The following SPAG16 variants were observed in gnomAD, a reference collection of about 807,000 sequenced individuals.
SPAG16 encodes sperm-associated antigen 16 protein.
A neutral mutation model predicts 80.4 loss-of-function variants in SPAG16; 86 were observed. That is an observed-to-expected ratio of 1.07 (90% CI 0.90 to 1.28). The LOEUF is 1.28. Among genes scored for constraint, SPAG16 ranks in the 50% most tolerant of loss-of-function variants. The pLI is 0.00. For missense variants in SPAG16, 870 were observed against 765.3 expected (o/e 1.14, Z -1.61); for synonymous variants, 294 against 265.9 (o/e 1.11, Z -1.03).
chr2:214,322,742 A>C (rs1696188953), intron 15 of SPAG16, among the ~76,000 whole-genome samples: 1 of 152,198 alleles, frequency 6.6e-6, no homozygotes, highest in East Asian at 1.9e-4. Flanking sequence ...TATAAAAATC[A>C]AAATTACTCA....
chr2:213,853,069 G>A (rs752539319), intron 10 of SPAG16, among the ~76,000 whole-genome samples: 8 of 152,012 alleles, frequency 5.3e-5, no homozygotes, highest in African/African-American at 1.4e-4. Flanking sequence ...TAATGTTCAC[G>A]GGGCACACAT....
At chr2:213,754,259 T>C (rs2068216150) in intron 10 of SPAG16, among the ~76,000 whole-genome samples, 1 of 152,226 alleles carries the variant, frequency 6.6e-6, no homozygotes, top group Non-Finnish European at 1.5e-5. Flanking sequence ...TTTCACTTGC[T>C]TACTACCCTT....
chr2:213,737,592 A>G (rs912381951), intron 10 of SPAG16, among the ~76,000 whole-genome samples: 20 of 149,168 alleles, frequency 1.3e-4, no homozygotes, highest in African/African-American at 4.7e-4. Context: ...GGTTCACGCC[A>G]TTCTCCTGCC....
In SPAG16 at chr2:213,301,281, T is replaced by G. The variant is rs138233624; in HGVS notation, c.279+3924T>G. 1.7e-4 allele frequency among the ~76,000 whole-genome samples: 26 copies of G among 152,300 alleles called. 1 individual carries two copies. The highest frequency in any genetic ancestry group is 6.3e-4 in the African/African-American group (26 of 41,582). On this transcript the variant is annotated intron_variant, in intron 3 of 15. Coordinates refer to ENST00000331683, the MANE Select transcript of SPAG16 (RefSeq NM_024532.5). ...CAGGCTCCTTGTACTCAAAGCCATGTCTACAGATTATCCAAGCCAATATAT... is the reference window on the plus strand; with the variant it reads ...CAGGCTCCTTGTACTCAAAGCCATGGCTACAGATTATCCAAGCCAATATAT...
At chr2:213,498,571 A>C (rs1488011968) in intron 10 of SPAG16, among the ~76,000 whole-genome samples, 1 of 152,120 alleles carries the variant, frequency 6.6e-6, no homozygotes, top group Admixed American at 6.5e-5. Flanking sequence ...TAAACTCCTG[A>C]CATTATCCCA....
intron 15 of SPAG16, among the ~76,000 whole-genome samples, chr2:214,273,815 T>G (rs542572673): frequency 3.9e-5 from 6 of 152,214 alleles, no homozygotes; most frequent in Non-Finnish European, 8.8e-5. Context: ...TAAAGCAGTT[T>G]TTTCCAATTC....
chr2:213,336,860 A>C (rs2064390370), intron 5 of SPAG16, among the ~76,000 whole-genome samples: 1 of 152,144 alleles, frequency 6.6e-6, no homozygotes, highest in Non-Finnish European at 1.5e-5. Context: ...CACCCGCTCC[A>C]CCAAGGGGCA....
At chr2:213,418,887 T>G (rs775027672) in intron 9 of SPAG16, among the ~76,000 whole-genome samples, 1 of 152,180 alleles carries the variant, frequency 6.6e-6, no homozygotes, top group Non-Finnish European at 1.5e-5. Context: ...CTGGGAGCAT[T>G]GCTTAGGGGC....
At chr2:213,825,561 C>T (rs1278973138) in intron 10 of SPAG16, among the ~76,000 whole-genome samples, 1 of 152,006 alleles carries the variant, frequency 6.6e-6, no homozygotes, top group Non-Finnish European at 1.5e-5. Context: ...TCCTTGCATC[C>T]TTGGGATAAA....
At chr2:213,502,544 A>G (rs2074787329) in intron 10 of SPAG16, among the ~76,000 whole-genome samples, 1 of 152,242 alleles carries the variant, frequency 6.6e-6, no homozygotes, top group Non-Finnish European at 1.5e-5. Flanking sequence ...TAGGCTAAAT[A>G]AAAATGTGAT....
chr2:213,501,506 A>G (rs73083223), intron 10 of SPAG16, among the ~76,000 whole-genome samples: 3,927 of 152,312 alleles, frequency 0.026, 163 homozygotes, highest in African/African-American at 0.088. Flanking sequence ...TATGCAAAAC[A>G]CTATCAGGGA....
At position 213,961,101 on chromosome 2, in the gene SPAG16, C is replaced by G. The variant is rs535510298; in HGVS notation, c.1400+30956C>G. 2.6e-5 allele frequency among the ~76,000 whole-genome samples: 4 copies of G among 152,292 alleles called. No homozygotes were observed. In the South Asian group the frequency reaches 8.3e-4, roughly 32 times the overall value. ...ACCAAAATTAAGTGCAGTTTATTAT[C>G]CAAGCTCTCCAGAGTTCCAAAATAG... On this transcript the variant is annotated intron_variant, in intron 12 of 15. Coordinates refer to ENST00000331683, the MANE Select transcript of SPAG16 (RefSeq NM_024532.5).
At chr2:213,606,277 T>C (rs891885157) in intron 10 of SPAG16, among the ~76,000 whole-genome samples, 1 of 152,232 alleles carries the variant, frequency 6.6e-6, no homozygotes, top group African/African-American at 2.4e-5. Flanking sequence ...ATGAGTCTTT[T>C]GGTGGATGTA....
At chr2:214,379,842 G>A (rs1164331990) in intron 15 of SPAG16, among the ~76,000 whole-genome samples, 1 of 152,062 alleles carries the variant, frequency 6.6e-6, no homozygotes, top group East Asian at 1.9e-4. Flanking sequence ...AAACACCAAA[G>A]AGAATTCTTC....
At chr2:214,046,316 A>G (rs112204735) in intron 13 of SPAG16, among the ~76,000 whole-genome samples, 1 of 152,202 alleles carries the variant, frequency 6.6e-6, no homozygotes, top group South Asian at 2.1e-4. Flanking sequence ...ATTTCCAAAA[A>G]TATGTGAAGA....
chr2:213,475,926 G>A (rs2073350071), intron 9 of SPAG16, among the ~76,000 whole-genome samples: 1 of 152,178 alleles, frequency 6.6e-6, no homozygotes, highest in Non-Finnish European at 1.5e-5. Context: ...GTTGATTCCT[G>A]ACATGGTGGG....
intron 13 of SPAG16, among the ~76,000 whole-genome samples, chr2:214,055,593 T>C (rs1481807887): frequency 6.6e-6 from 1 of 152,182 alleles, no homozygotes; most frequent in Non-Finnish European, 1.5e-5. Flanking sequence ...ACTAAATGTG[T>C]CTAAAATGTA....
intron 10 of SPAG16, among the ~76,000 whole-genome samples, chr2:213,684,851 G>A (rs1442759981): frequency 1.3e-5 from 2 of 152,240 alleles, no homozygotes; most frequent in African/African-American, 2.4e-5. Context: ...GTATCCTCAC[G>A]GATTTAACAA....
intron 10 of SPAG16, among the ~76,000 whole-genome samples, chr2:213,703,248 G>A (rs1242491656): frequency 1.3e-5 from 2 of 152,156 alleles, no homozygotes; most frequent in Non-Finnish European, 1.5e-5. Flanking sequence ...TGTTAGTGAA[G>A]CACAACCTAG....
Sources: allele counts gnomAD v4.1 joint callset (sites outside exome capture counted in the v4.1 genomes callset), GRCh38; gene constraint gnomAD v4.1.1; transcripts MANE v1.5; gene names NCBI Gene and HGNC (gene_info 2026-07-23, HGNC 2026-07-21).